ZNF438: variants seen among roughly 807,000 people sequenced by gnomAD.
ZNF438 encodes zinc finger protein 438.
A neutral mutation model predicts 38.0 loss-of-function variants in ZNF438; 25 were observed. That is an observed-to-expected ratio of 0.66 (90% CI 0.48 to 0.92). The LOEUF (loss-of-function observed/expected upper bound fraction) is 0.92, where lower values mean the gene tolerates loss of function less well. Among genes scored for constraint, ZNF438 ranks in the 40% least tolerant of loss-of-function variants. ZNF438 has a pLI of 0.00. For synonymous variants in ZNF438, 372 were observed against 364.1 expected, an observed-to-expected ratio of 1.02 and a Z score of -0.25; for missense variants, 1,007 against 999.6, an observed-to-expected ratio of 1.01 and a Z score of -0.10.
chr10:30,904,411 A>G (rs2042368259), intron 3 of ZNF438, among the ~76,000 whole-genome samples: 1 of 152,128 alleles, frequency 6.6e-6, no homozygotes, highest in Non-Finnish European at 1.5e-5. Flanking sequence ...GCCTTCAGAT[A>G]TGTCCCCTTT....
At position 30,936,423 on chromosome 10, in the gene ZNF438, C is replaced by T. The variant is rs533307339; in HGVS notation, c.-115+5152G>A. ...GCATGGTGGCTAATGCCTGTAATCCCAGCACTTTGGGAGGCCAAGGCAGGC... is the reference window on the plus strand; with the variant it reads ...GCATGGTGGCTAATGCCTGTAATCCTAGCACTTTGGGAGGCCAAGGCAGGC... On this transcript the variant is annotated intron_variant, in intron 2 of 5. Transcript: ENST00000413025. Among the ~76,000 whole-genome samples the T allele has an allele frequency of 3.3e-5, 5 of 152,300 alleles. No homozygotes were observed. The South Asian group carries it at 1.0e-3, about 32-fold the overall frequency.
At chr10:30,884,362 G>A (rs973983256) in intron 3 of ZNF438, among the ~76,000 whole-genome samples, 15 of 152,018 alleles carry the variant, frequency 9.9e-5, no homozygotes, top group African/African-American at 9.7e-5. Flanking sequence ...CCTCTGATTT[G>A]ACTGGATAAT....
chr10:30,998,306 C>T (rs957447388), intron 1 of ZNF438, among the ~76,000 whole-genome samples: 9 of 151,690 alleles, frequency 5.9e-5, no homozygotes, highest in Admixed American at 2.0e-4. Context: ...TTTGGGAGGC[C>T]GAGGCGGGTG....
rs565601810 is a variant in ZNF438, at chr10:30,899,270, G to A, written c.-32+9663C>T. Among the ~76,000 whole-genome samples, 9 of 152,264 alleles carry A rather than the reference G, an allele frequency of 5.9e-5. No homozygotes were observed. In the South Asian group the frequency reaches 1.9e-3, roughly 32 times the overall value. On this transcript the variant is annotated intron_variant, in intron 3 of 5. Transcript: ENST00000413025. ...ACAAGATTTTGTAGATATTCAAGGG[G>A]AAAGAAGATGCTAAATAAAGATTAT... is the stretch of plus-strand genomic sequence containing the variant.
At chr10:31,006,892 C>G (rs1690625) in intron 1 of ZNF438, among the ~76,000 whole-genome samples, 112,330 of 151,256 alleles carry the variant, frequency 0.74, 42,321 homozygotes, top group African/African-American at 0.83. Flanking sequence ...TTTGGTAAGG[C>G]GGAATGAAGG....
At chr10:30,976,599 T>C (rs1331601532) in intron 1 of ZNF438, among the ~76,000 whole-genome samples, 1 of 151,954 alleles carries the variant, frequency 6.6e-6, no homozygotes, top group Non-Finnish European at 1.5e-5. Flanking sequence ...AAGGAAAAAT[T>C]AGCCAGGTGT....
At chr10:30,916,901 C>T (rs965931056) in intron 2 of ZNF438, among the ~76,000 whole-genome samples, 3 of 152,102 alleles carry the variant, frequency 2.0e-5, no homozygotes, top group African/African-American at 7.2e-5. Flanking sequence ...ACTAGCAGGG[C>T]AAGATAAGTT....
rs776954879 is a variant in ZNF438, at chr10:30,848,709, G to A, written c.1696C>T (p.Leu566Phe). ...TTTGCACAAAACTCACAACACATGA[G>A]TTTCTTCAGACGGTTCTCACCATGA... The change falls in exon 5 of 6, where the codon CTC (leucine) becomes TTC (phenylalanine). Residue 566 changes from leucine (L) to phenylalanine (F), a missense_variant. By Grantham distance (22) the Leu-to-Phe change is conservative. Coordinates refer to ENST00000413025, the Ensembl canonical transcript of ZNF438. 2.5e-6 allele frequency: 4 copies of A among 1,614,244 alleles called. No homozygotes were observed. In the South Asian group the frequency reaches 4.4e-5, roughly 18 times the overall value.
At chr10:30,965,816 C>A (rs2136122042) in intron 1 of ZNF438, among the ~76,000 whole-genome samples, 1 of 152,236 alleles carries the variant, frequency 6.6e-6, no homozygotes, top group Middle Eastern at 3.4e-3. Flanking sequence ...GGGTACTATG[C>A]TCAGTACCTA....
chr10:31,028,984 T>A (rs2057112354), intron 1 of ZNF438, among the ~76,000 whole-genome samples: 1 of 152,196 alleles, frequency 6.6e-6, no homozygotes, highest in Non-Finnish European at 1.5e-5. Flanking sequence ...AAAAGCATGC[T>A]TTCTCTTCAG....
At chr10:30,916,507 T>C (rs2043655207) in intron 2 of ZNF438, among the ~76,000 whole-genome samples, 1 of 152,068 alleles carries the variant, frequency 6.6e-6, no homozygotes, top group Non-Finnish European at 1.5e-5. Flanking sequence ...TCCCATGCCT[T>C]CTCTCCAGCT....
intron 1 of ZNF438, among the ~76,000 whole-genome samples, chr10:30,949,314 C>G (rs1485392610): frequency 3.9e-5 from 6 of 152,144 alleles, no homozygotes; most frequent in African/African-American, 1.4e-4. Flanking sequence ...ATGTAAAGAC[C>G]ATCAAGACTA....
chr10:30,934,922 C>T (rs2046079117), intron 2 of ZNF438, among the ~76,000 whole-genome samples: 1 of 152,216 alleles, frequency 6.6e-6, no homozygotes, highest in Admixed American at 6.5e-5. Flanking sequence ...GTGTTTGGAA[C>T]TTACAAATCT....
At chr10:30,854,147 G>A (rs758561058) in intron 4 of ZNF438, among the ~76,000 whole-genome samples, 98 of 152,044 alleles carry the variant, frequency 6.4e-4, no homozygotes, top group South Asian at 1.2e-3. Flanking sequence ...GTGAAACCCC[G>A]TCTCTACTAA....
intron 3 of ZNF438, among the ~76,000 whole-genome samples, chr10:30,883,598 C>A (rs1588989333): frequency 6.6e-6 from 1 of 152,254 alleles, no homozygotes; most frequent in East Asian, 1.9e-4. Flanking sequence ...TTGCCATATG[C>A]TGTGGCTCAC....
Position 31,006,780 on chromosome 10 carries a change from G to GT in ZNF438, c.-192+25052_-192+25053insA, listed in dbSNP as rs1373426728. 3.9e-3 allele frequency among the ~76,000 whole-genome samples: 500 copies of GT among 129,370 alleles called. 4 individuals are homozygous for GT. Among genetic ancestry groups the GT allele is most frequent in the Non-Finnish European group, 6.6e-3 (394 of 59,998 alleles). The allele number at this position is 129,370 out of a possible 152,430, so 84.9% of individuals were successfully genotyped here. ...GTCTTGGTGTGGTTGGCGGGGGGCGGGGGGGGGAACTCCCACACGTGTGAT... is the reference window on the plus strand; with the variant it reads ...GTCTTGGTGTGGTTGGCGGGGGGCGGTGGGGGGGAACTCCCACACGTGTGAT... On this transcript the variant is annotated intron_variant, in intron 1 of 5. Transcript: ENST00000413025.
intron 2 of ZNF438, chr10:30,910,524 AT>A: frequency 6.6e-6 from 1 of 151,818 alleles, no homozygotes; most frequent in East Asian, 1.9e-4. Context: ...GCAGAAAACA[AT>A]CTGGTCAGTA....
At position 30,885,757 on chromosome 10, in the gene ZNF438, CTG is replaced by C. The variant is rs544605722; in HGVS notation, c.-31-8694_-31-8693del. Among the ~76,000 whole-genome samples, 55 of 152,164 alleles carry C rather than the reference CTG, an allele frequency of 3.6e-4. No homozygotes were observed. In the South Asian group the frequency reaches 0.011, roughly 29 times the overall value. ...TGATGGAAATCAATGTAGAATGTCT[CTG>C]TGCAACTATTAAAAATAAAGGAAAG... is the stretch of plus-strand genomic sequence containing the variant. On this transcript the variant is annotated intron_variant, in intron 3 of 5. Transcript: ENST00000413025.
intron 1 of ZNF438, among the ~76,000 whole-genome samples, chr10:30,993,370 C>T (rs897864341): frequency 5.3e-5 from 8 of 152,198 alleles, no homozygotes; most frequent in Admixed American, 4.6e-4. Context: ...GGACTCTGCT[C>T]CCTGCACCCC....
Sources: gnomAD v4.1 joint callset for allele counts (sites outside exome capture counted in the v4.1 genomes callset) on GRCh38, gnomAD v4.1.1 for gene constraint, MANE v1.5 for transcripts, NCBI Gene and HGNC (gene_info 2026-07-23, HGNC 2026-07-21) for gene names.